Variants in ABCC5 observed in about 807,000 individuals in gnomAD.
The protein encoded by ABCC5 is ATP binding cassette subfamily C member 5, also known as ATP-binding cassette sub-family C member 5.
Under a neutral mutation model 160.9 loss-of-function variants are expected in ABCC5, and 61 were observed. The ratio of observed to expected loss-of-function variants is 0.38; its 90% CI spans 0.31 to 0.47. The LOEUF (loss-of-function observed/expected upper bound fraction) is 0.47, where lower values mean the gene tolerates loss of function less well. Ranked by LOEUF, ABCC5 falls within the 20% of genes least tolerant of loss-of-function variation. ABCC5 has a pLI of 0.99. For synonymous variants in ABCC5, 666 were observed against 700.6 expected (o/e 0.95, Z 0.78); for missense variants, 1,308 against 1,813.3 (o/e 0.72, Z 5.06).
chr3:183,958,119 C>T (rs370616941), intron 17 of ABCC5, among the ~76,000 whole-genome samples: 3 of 152,168 alleles, frequency 2.0e-5, no homozygotes, highest in South Asian at 2.1e-4. Flanking sequence ...TATATCACAT[C>T]GGTTACATGC....
chr3:184,009,824 C>G (rs984029918), intron 2 of ABCC5: 2 of 250,090 alleles, frequency 8.0e-6, no homozygotes, highest in Non-Finnish European at 1.7e-5. Flanking sequence ...TACAAGGATA[C>G]AGTAAAAATC....
chr3:183,975,997 T>C (rs965881360), intron 10 of ABCC5, among the ~76,000 whole-genome samples: 6 of 152,194 alleles, frequency 3.9e-5, no homozygotes, highest in Non-Finnish European at 8.8e-5. Context: ...GGAGAACTTA[T>C]GGTCAAACAT....
Position 183,965,646 on chromosome 3 carries a change from TC to T in ABCC5, c.1834-146del. 5 of 1,074,652 alleles carry T rather than the reference TC, an allele frequency of 4.7e-6. No homozygotes were observed. In the South Asian group the frequency reaches 7.9e-5, roughly 17 times the overall value. 66.6% of individuals were successfully genotyped at this position (1,074,652 alleles called of 1,614,324 possible). ...CCCAAATCCAGATTCCACCTTTAAT[TC>T]CAAAGAGAGCTAAGCAGCAAAGAAA... On this transcript the variant is annotated intron_variant, in intron 12 of 29. Transcript: ENST00000334444.
chr3:183,928,665 G>T (rs1712854174), intron 27 of ABCC5, 82 bp downstream of exon 27: 1 of 1,302,822 alleles, frequency 7.7e-7, no homozygotes, highest in African/African-American at 1.5e-5. Context: ...GGCACGGCCA[G>T]AGCAGACGGG....
At chr3:184,006,300 G>GAAAAAAAA (rs34764294) in intron 2 of ABCC5, 2 of 114,632 alleles carry the variant, frequency 1.7e-5, no homozygotes, top group African/African-American at 3.2e-5. Context: ...AGGGAGAGAA[G>GAAAAAAAA]AAAAAAAAAA....
At chr3:184,010,795 C>CT (rs1172557304) in intron 2 of ABCC5, among the ~76,000 whole-genome samples, 1 of 107,940 alleles carries the variant, frequency 9.3e-6, no homozygotes, top group African/African-American at 3.7e-5. Flanking sequence ...AATCATTCTT[C>CT]TTCTTTTTTT....
At chr3:183,934,756 ATCCT>A (rs1433869733) in intron 26 of ABCC5, among the ~76,000 whole-genome samples, 1 of 152,186 alleles carries the variant, frequency 6.6e-6, no homozygotes, top group African/African-American at 2.4e-5. Context: ...AGCTCAAGTG[ATCCT>A]TCCGTCTCGG....
chr3:183,976,379 C>G (rs780247016), intron 10 of ABCC5, among the ~76,000 whole-genome samples: 8 of 152,046 alleles, frequency 5.3e-5, no homozygotes, highest in Admixed American at 1.3e-4. Context: ...CTCAGCCCCC[C>G]GGGTAGCTAG....
At chr3:183,989,827 T>TA (rs559199975) in intron 2 of ABCC5, among the ~76,000 whole-genome samples, 2 of 152,094 alleles carry the variant, frequency 1.3e-5, no homozygotes, top group Non-Finnish European at 2.9e-5. Flanking sequence ...TTTTTTGAGA[T>TA]AGAGTCTCCC....
intron 22 of ABCC5, 38 bp from the exon 23 acceptor site, chr3:183,947,548 C>G: frequency 6.6e-7 from 1 of 1,513,042 alleles, no homozygotes; most frequent in Non-Finnish European, 9.0e-7. Flanking sequence ...AAAGAAAGTA[C>G]TACACAACCC....
chr3:183,977,423 A>C (rs1718315208), intron 10 of ABCC5, 94 bp downstream of exon 10: 1 of 861,092 alleles, frequency 1.2e-6, no homozygotes, highest in African/African-American at 1.7e-5. Context: ...GCTTAAGCCC[A>C]GTGAGGCCAG....
intron 23 of ABCC5, among the ~76,000 whole-genome samples, chr3:183,946,909 T>C (rs1560483820): frequency 6.6e-6 from 1 of 152,092 alleles, no homozygotes; most frequent in Non-Finnish European, 1.5e-5. Flanking sequence ...TATAACAGTA[T>C]TGGGAAAATC....
rs73046557 is a variant in ABCC5 at position 183,951,723 on chromosome 3, G to A, written c.2814+134C>T. 1.5e-4 allele frequency: 216 copies of A among 1,465,192 alleles called. 1 individual carries two copies. The African/African-American group carries it at 2.8e-3, about 19-fold the overall frequency. 90.8% of individuals were successfully genotyped at this position (1,465,192 alleles called of 1,614,324 possible). ...AAGTGAGAAAAGGTGGAGGCTAACG[G>A]AATATGAGTCATCTCAGCCAGGGCC... On this transcript the variant is annotated intron_variant, in intron 19 of 29. Coordinates refer to ENST00000334444, the MANE Select transcript of ABCC5 (RefSeq NM_005688.4). The surrounding 1 kb of genome is among the most constrained non-coding windows in gnomAD (Gnocchi z 4.7).
chr3:183,937,756 A>G, intron 26 of ABCC5, 145 bp downstream of exon 26: 1 of 900,878 alleles, frequency 1.1e-6, no homozygotes, highest in Non-Finnish European at 1.7e-6. Context: ...CTTCTGCACC[A>G]GCAAGCACAT....
chr3:183,947,485 G>C lies in ABCC5; in HGVS notation c.3253C>G (p.Gln1085Glu). Reference sequence around the variant, plus strand: ...CACGTAAACAAAAAAAAAGGAGCTTGGTTGTCATCCAGCAGCTCCTGGTAT... The same window carrying C: ...CACGTAAACAAAAAAAAAGGAGCTTCGTTGTCATCCAGCAGCTCCTGGTAT... Reference protein sequence around the residue: ...HRYQELLDDNQAPFFLFTCAM... With the variant: ...HRYQELLDDNEAPFFLFTCAM... Residue 1085 changes from glutamine (Q) to glutamate (E), a missense_variant, in exon 23 of 30, where the codon CAA becomes GAA. By Grantham distance (29) the Gln-to-Glu change is conservative (BLOSUM62 2). Transcript: ENST00000334444. 2 of 1,603,284 alleles carry C rather than the reference G, an allele frequency of 1.2e-6. No homozygotes were observed. The highest frequency in any genetic ancestry group is 1.1e-5 in the South Asian group (1 of 90,020).
At position 183,987,544 on chromosome 3, in the gene ABCC5, C is replaced by T. The variant is rs1171101453; in HGVS notation, c.591+226G>A. ...CAGAACTGGAGTCAGTTCCATTTCACCCCCACCCAGAAATCAAGCCAGTTC... is the reference window on the plus strand; with the variant it reads ...CAGAACTGGAGTCAGTTCCATTTCATCCCCACCCAGAAATCAAGCCAGTTC... On this transcript the variant is annotated intron_variant, in intron 5 of 29. Transcript: ENST00000334444. The surrounding 1 kb of genome is among the most constrained non-coding windows in gnomAD (Gnocchi z 4.2). The T allele has an allele frequency of 1.6e-6, 1 of 640,114 alleles. No homozygotes were observed. Among genetic ancestry groups the T allele is most frequent in the Non-Finnish European group, 2.8e-6 (1 of 360,222 alleles). The allele number at this position is 640,114 out of a possible 1,614,324, so 39.7% of individuals were successfully genotyped here.
intron 5 of ABCC5, chr3:183,983,801 T>C: frequency 1.0e-6 from 1 of 985,500 alleles, no homozygotes; most frequent in Non-Finnish European, 1.2e-6. Context: ...AAAAGTACCA[T>C]CTTCAAAGAG....
At chr3:183,934,083 A>G (rs1266104700) in intron 26 of ABCC5, among the ~76,000 whole-genome samples, 1 of 152,190 alleles carries the variant, frequency 6.6e-6, no homozygotes, top group Non-Finnish European at 1.5e-5. Flanking sequence ...AGGTGGGCAG[A>G]TCACCTGAGG....
chr3:183,991,043 G>A lies in ABCC5; in HGVS notation c.130-1660C>T, dbSNP rs116521076. ...ATCTCAGCTGGGCATGGTGGCTCGC[G>A]CCTGTAATCCTGACACTTTGGAAGG... On this transcript the variant is annotated intron_variant, in intron 2 of 29. Coordinates refer to ENST00000334444, the MANE Select transcript of ABCC5 (RefSeq NM_005688.4). 2.6e-3 allele frequency among the ~76,000 whole-genome samples: 397 copies of A among 152,130 alleles called. 2 individuals carry two copies. The highest frequency in any genetic ancestry group is 9.3e-3 in the African/African-American group (386 of 41,488).
Sources: allele counts gnomAD v4.1 joint callset (sites outside exome capture counted in the v4.1 genomes callset), GRCh38; gene constraint gnomAD v4.1.1; non-coding constraint Gnocchi (gnomAD v3.1); transcripts MANE v1.5; gene names NCBI Gene and HGNC (gene_info 2026-07-23, HGNC 2026-07-21).